Variants in PRKG1 observed in about 807,000 individuals in gnomAD.
PRKG1 encodes the protein cGMP-dependent protein kinase 1.
Under a neutral mutation model 88.1 loss-of-function variants are expected in PRKG1, and 35 were observed. That is an observed-to-expected ratio of 0.40 (90% CI 0.30 to 0.53). The LOEUF (loss-of-function observed/expected upper bound fraction) is 0.53. PRKG1 is among the 20% of genes least tolerant of loss of function. The probability of loss-of-function intolerance (pLI) is 0.59; values close to 1 mark genes in which losing one functional copy is unlikely to be tolerated. For synonymous variants in PRKG1, 303 were observed against 292.5 expected (o/e 1.04, Z -0.37); for missense variants, 540 against 839.8 (o/e 0.64, Z 4.41).
At chr10:51,828,665 G>A (rs1054254854) in intron 4 of PRKG1, among the ~76,000 whole-genome samples, 1 of 152,090 alleles carries the variant, frequency 6.6e-6, no homozygotes, top group African/African-American at 2.4e-5. Context: ...TGAAGGCTTT[G>A]ATATAACTTT....
At chr10:51,869,557 T>G (rs1283032705) in intron 4 of PRKG1, among the ~76,000 whole-genome samples, 1 of 152,144 alleles carries the variant, frequency 6.6e-6, no homozygotes, top group African/African-American at 2.4e-5. Context: ...TCAAAGATCT[T>G]ATCATCTAGC....
chr10:51,838,386 C>T (rs942196803), intron 4 of PRKG1, among the ~76,000 whole-genome samples: 1 of 151,992 alleles, frequency 6.6e-6, no homozygotes, highest in Non-Finnish European at 1.5e-5. Context: ...TAAGCGAAAA[C>T]AACATTTAAA....
chr10:51,659,880 G>A (rs1047050041), intron 3 of PRKG1, among the ~76,000 whole-genome samples: 4 of 151,912 alleles, frequency 2.6e-5, no homozygotes, highest in Admixed American at 6.6e-5. Context: ...TGTGAACCAC[G>A]TATGTAACTT....
intron 3 of PRKG1, among the ~76,000 whole-genome samples, chr10:51,684,214 A>T (rs12248664): frequency 0.082 from 12,539 of 152,140 alleles, 1,111 homozygotes; most frequent in African/African-American, 0.22. Flanking sequence ...AATTTTTTTT[A>T]AAAATTATGT....
chr10:51,221,967 CG>C (rs1838546775), intron 2 of PRKG1, among the ~76,000 whole-genome samples: 1 of 150,886 alleles, frequency 6.6e-6, no homozygotes, highest in East Asian at 1.9e-4. Flanking sequence ...TTCTGTATCC[CG>C]GGTTCAAGCA....
chr10:51,034,670 A>T (rs376943174), intron 1 of PRKG1, among the ~76,000 whole-genome samples: 869 of 8,828 alleles, frequency 0.098, 43 homozygotes, highest in African/African-American at 0.22. Context: ...TATGTTATTT[A>T]TATATATATA....
At chr10:51,938,737 G>A (rs140725411) in intron 5 of PRKG1, among the ~76,000 whole-genome samples, 240 of 151,930 alleles carry the variant, frequency 1.6e-3, no homozygotes, top group African/African-American at 5.3e-3. Context: ...TGGAGTCAGA[G>A]TACCCAAAAT....
intron 5 of PRKG1, among the ~76,000 whole-genome samples, chr10:52,012,245 C>CT (rs34119029): frequency 0.015 from 2,025 of 139,164 alleles, 51 homozygotes; most frequent in African/African-American, 0.041. Context: ...ATTTATTTGC[C>CT]TTTTTTTTTT....
intron 2 of PRKG1, among the ~76,000 whole-genome samples, chr10:51,446,078 T>C (rs981131056): frequency 6.6e-6 from 1 of 152,026 alleles, no homozygotes; most frequent in Admixed American, 6.6e-5. Flanking sequence ...TTCACTTTAG[T>C]GATATTCTGC....
At chr10:51,309,858 CA>C (rs1291253972) in intron 2 of PRKG1, among the ~76,000 whole-genome samples, 1 of 152,088 alleles carries the variant, frequency 6.6e-6, no homozygotes, top group African/African-American at 2.4e-5. Flanking sequence ...TGTTCATCTA[CA>C]GATGATTGGA....
chr10:51,181,179 G>A (rs886206126), intron 2 of PRKG1, among the ~76,000 whole-genome samples: 2 of 143,910 alleles, frequency 1.4e-5, no homozygotes, highest in Admixed American at 6.9e-5. Context: ...TCCATTTCCT[G>A]AAACAGCACT....
chr10:52,154,098 C>A (rs902612600), intron 8 of PRKG1, among the ~76,000 whole-genome samples: 40 of 151,958 alleles, frequency 2.6e-4, no homozygotes, highest in Non-Finnish European at 1.0e-4. Context: ...TTTAGTTAAT[C>A]CTTCATTAGT....
intron 4 of PRKG1, among the ~76,000 whole-genome samples, chr10:51,806,881 C>G (rs1191699806): frequency 1.3e-5 from 2 of 152,162 alleles, no homozygotes; most frequent in African/African-American, 4.8e-5. Context: ...CACATTCCCT[C>G]TCTGCCTGCC....
intron 3 of PRKG1, among the ~76,000 whole-genome samples, chr10:51,591,028 T>C (rs1341180649): frequency 6.6e-6 from 1 of 152,052 alleles, no homozygotes; most frequent in African/African-American, 2.4e-5. Context: ...AGATGGTAAA[T>C]AGTTTAACAA....
At chr10:51,209,168 C>A (rs1174622507) in intron 2 of PRKG1, among the ~76,000 whole-genome samples, 1 of 151,838 alleles carries the variant, frequency 6.6e-6, no homozygotes, top group African/African-American at 2.4e-5. Flanking sequence ...CTAGTGTTGG[C>A]AAATGGACAA....
chr10:51,090,669 T>C (rs1252293392), intron 1 of PRKG1, among the ~76,000 whole-genome samples: 4 of 152,238 alleles, frequency 2.6e-5, no homozygotes, highest in Non-Finnish European at 4.4e-5. Flanking sequence ...GGTTATTCTG[T>C]GCAGATACAT....
intron 2 of PRKG1, among the ~76,000 whole-genome samples, chr10:51,252,225 T>C (rs1839445492): frequency 6.6e-6 from 1 of 151,800 alleles, no homozygotes; most frequent in South Asian, 2.1e-4. Flanking sequence ...ATAGTATTTG[T>C]CTTCTAATAG....
chr10:52,262,525 C>T (rs377458584), intron 10 of PRKG1, among the ~76,000 whole-genome samples: 26 of 152,080 alleles, frequency 1.7e-4, no homozygotes, highest in African/African-American at 5.8e-4. Context: ...CCCATCTCGG[C>T]CTCCCAAAGT....
At chr10:51,801,953 C>G (rs1347746325) in intron 3 of PRKG1, among the ~76,000 whole-genome samples, 1 of 152,128 alleles carries the variant, frequency 6.6e-6, no homozygotes, top group African/African-American at 2.4e-5. Context: ...GCTTTATACC[C>G]TTTAGACTTA....
Sources: allele counts gnomAD v4.1 joint callset (sites outside exome capture counted in the v4.1 genomes callset), GRCh38; gene constraint gnomAD v4.1.1; transcripts MANE v1.5; gene names NCBI Gene and HGNC (gene_info 2026-07-23, HGNC 2026-07-21).